The following RANBP2 variants were observed in gnomAD, a reference collection of about 807,000 sequenced individuals.
The protein encoded by RANBP2 is E3 SUMO-protein ligase RanBP2.
RANBP2 carries 57 observed loss-of-function variants against 303.6 expected under a neutral mutation model. That is an observed-to-expected ratio of 0.19 (90% CI 0.15 to 0.23). The LOEUF (loss-of-function observed/expected upper bound fraction) is 0.23, where lower values mean the gene tolerates loss of function less well. Ranked by LOEUF, RANBP2 falls within the 10% of genes least tolerant of loss-of-function variation. RANBP2 has a pLI of 1.00. For synonymous variants in RANBP2, 1,167 were observed against 1,301.5 expected (o/e 0.90, Z 2.23); for missense variants, 3,138 against 3,780.8 (o/e 0.83, Z 4.46).
chr2:108,735,435 A>C, intron 4 of RANBP2, 97 bp from the exon 5 acceptor site: 34 of 1,595,838 alleles, frequency 2.1e-5, no homozygotes, highest in Non-Finnish European at 2.9e-5. Flanking sequence ...CATCATCATA[A>C]AACTAGACAT....
chr2:109,626,931 G>A, the RANBP2 span, among the ~76,000 whole-genome samples: 39 of 152,222 alleles, frequency 2.6e-4, no homozygotes, highest in African/African-American at 8.9e-4. Context: ...GTCTGCTGGA[G>A]TGGGCTACGG....
At chr2:109,722,600 C>T in the RANBP2 span, among the ~76,000 whole-genome samples, 92 of 152,320 alleles carry the variant, frequency 6.0e-4, no homozygotes, top group African/African-American at 2.2e-3. Flanking sequence ...TTAAGCCCAG[C>T]ATCCATTAGC....
chr2:108,799,961 T>A, the RANBP2 span, among the ~76,000 whole-genome samples: 1 of 151,966 alleles, frequency 6.6e-6, no homozygotes, highest in Non-Finnish European at 1.5e-5. Flanking sequence ...GTTTAAAAAA[T>A]TTATTTTTGT....
the RANBP2 span, among the ~76,000 whole-genome samples, chr2:109,584,469 T>C: frequency 1.0e-5 from 1 of 100,176 alleles, no homozygotes; most frequent in South Asian, 3.4e-4. Context: ...AGCGAGACTC[T>C]GTCTCAAAAA....
At chr2:109,522,566 G>C in the RANBP2 span, among the ~76,000 whole-genome samples, 5 of 151,692 alleles carry the variant, frequency 3.3e-5, no homozygotes, top group Non-Finnish European at 4.4e-5. Context: ...CAAAGTGCTA[G>C]GTGCTGGGAT....
At chr2:109,119,364 T>C in the RANBP2 span, among the ~76,000 whole-genome samples, 1 of 152,230 alleles carries the variant, frequency 6.6e-6, no homozygotes, top group Non-Finnish European at 1.5e-5. Flanking sequence ...TAGCTCTATA[T>C]CTTTCATAAA....
the RANBP2 span, among the ~76,000 whole-genome samples, chr2:109,409,636 G>A: frequency 4.6e-5 from 7 of 152,098 alleles, no homozygotes; most frequent in South Asian, 2.1e-4. Context: ...GGCAGAAGGC[G>A]TGGCTGCTGC....
chr2:109,695,122 C>T, the RANBP2 span, among the ~76,000 whole-genome samples: 1 of 152,010 alleles, frequency 6.6e-6, no homozygotes, highest in Non-Finnish European at 1.5e-5. Flanking sequence ...TTTTCTTGTT[C>T]CATCATTTCC....
At chr2:109,684,996 C>T in the RANBP2 span, among the ~76,000 whole-genome samples, 1 of 151,966 alleles carries the variant, frequency 6.6e-6, no homozygotes, top group Non-Finnish European at 1.5e-5. Context: ...GCCTCAGCCT[C>T]CCGAGTAGCT....
the RANBP2 span, chr2:109,129,641 G>C: frequency 1.3e-6 from 2 of 1,497,904 alleles, no homozygotes; most frequent in Non-Finnish European, 1.8e-6. Flanking sequence ...CGGCGGCGTC[G>C]GGCGGCGGCC....
the RANBP2 span, among the ~76,000 whole-genome samples, chr2:109,284,894 C>T: frequency 6.6e-6 from 1 of 152,222 alleles, no homozygotes; most frequent in Non-Finnish European, 1.5e-5. Flanking sequence ...TTTAAAAAAT[C>T]CACACTGGGC....
At chr2:108,777,075 G>T in intron 24 of RANBP2, 55 bp from the exon 25 acceptor site, 1 of 1,496,828 alleles carries the variant, frequency 6.7e-7, no homozygotes, top group Non-Finnish European at 9.3e-7. Flanking sequence ...CTGGGGTAAA[G>T]CTTTGATATT....
At chr2:109,524,469 A>AAAC in the RANBP2 span, among the ~76,000 whole-genome samples, 43 of 80,842 alleles carry the variant, frequency 5.3e-4, no homozygotes, top group South Asian at 1.2e-3. Context: ...AAAAAAAACA[A>AAAC]AACAACACTG....
At chr2:109,592,468 A>T in the RANBP2 span, among the ~76,000 whole-genome samples, 1 of 149,948 alleles carries the variant, frequency 6.7e-6, no homozygotes, top group Admixed American at 6.7e-5. Context: ...CTGTCTCAAA[A>T]AACAAAAACA....
At chr2:109,553,238 T>C in the RANBP2 span, 1 of 1,612,422 alleles carries the variant, frequency 6.2e-7, no homozygotes, top group Non-Finnish European at 8.5e-7. Context: ...TTATTTGTGT[T>C]ACTCTCCTGC....
chr2:109,227,168 G>A, the RANBP2 span, among the ~76,000 whole-genome samples: 1 of 152,174 alleles, frequency 6.6e-6, no homozygotes, highest in African/African-American at 2.4e-5. Flanking sequence ...GCAGTGGTTG[G>A]CTCAGACTTA....
At chr2:109,689,346 G>A in the RANBP2 span, among the ~76,000 whole-genome samples, 3 of 152,138 alleles carry the variant, frequency 2.0e-5, no homozygotes, top group Non-Finnish European at 2.9e-5. Context: ...TGCCAAATAG[G>A]TGCACATAGG....
chr2:109,112,447 G>T, the RANBP2 span, among the ~76,000 whole-genome samples: 4 of 152,174 alleles, frequency 2.6e-5, no homozygotes, highest in African/African-American at 9.7e-5. Flanking sequence ...AGAAGTGTCT[G>T]TTCACATCGT....
the RANBP2 span, among the ~76,000 whole-genome samples, chr2:109,417,639 A>G: frequency 6.6e-6 from 1 of 152,144 alleles, no homozygotes; most frequent in Non-Finnish European, 1.5e-5. Flanking sequence ...CTGCATTGCA[A>G]TGGAAGTCAT....
Sources: gnomAD v4.1 joint callset for allele counts (sites outside exome capture counted in the v4.1 genomes callset) on GRCh38, gnomAD v4.1.1 for gene constraint, MANE v1.5 for transcripts, NCBI Gene and HGNC (gene_info 2026-07-23, HGNC 2026-07-21) for gene names.